The following CTNNA3 variants were observed in gnomAD, a reference collection of about 807,000 sequenced individuals.
CTNNA3 encodes catenin alpha-3.
Under a neutral mutation model 95.7 loss-of-function variants are expected in CTNNA3, and 76 were observed. The ratio of observed to expected loss-of-function variants is 0.79; its 90% CI spans 0.66 to 0.96. CTNNA3 has a LOEUF of 0.96. CTNNA3 is among the 40% of genes least tolerant of loss of function. The probability of loss-of-function intolerance (pLI) is 0.00; values close to 1 mark genes in which losing one functional copy is unlikely to be tolerated. For synonymous variants in CTNNA3, 431 were observed against 374.4 expected, an observed-to-expected ratio of 1.15 and a Z score of -1.74; for missense variants, 1,191 against 1,089.8, an observed-to-expected ratio of 1.09 and a Z score of -1.31.
rs891357500 is a variant in CTNNA3, at chr10:66,715,623, G to A, written c.1281+50641C>T. Among the ~76,000 whole-genome samples the A allele has an allele frequency of 9.2e-5, 14 of 152,154 alleles. No homozygotes were observed. The South Asian group carries it at 2.5e-3, about 27-fold the overall frequency. On this transcript the variant is annotated intron_variant, in intron 9 of 17. Coordinates refer to ENST00000433211, the MANE Select transcript of CTNNA3 (RefSeq NM_013266.4). ...AATAGTTTTTAGATAACTAAAAGCT[G>A]GCAAAATATCAAAGATATTCAGTGC...
intron 5 of CTNNA3, among the ~76,000 whole-genome samples, chr10:67,312,516 C>T (rs114031244): frequency 6.6e-6 from 1 of 152,024 alleles, no homozygotes; most frequent in East Asian, 1.9e-4. Flanking sequence ...GGAAAATAAG[C>T]CAACAAAAAC....
chr10:67,360,416 GAA>G (rs74859730), intron 5 of CTNNA3, among the ~76,000 whole-genome samples: 5 of 99,290 alleles, frequency 5.0e-5, no homozygotes, highest in Non-Finnish European at 6.3e-5. Flanking sequence ...GAGCAAGCAG[GAA>G]AAAAAAAAAA....
At chr10:66,699,556 T>C (rs1847874548) in intron 9 of CTNNA3, among the ~76,000 whole-genome samples, 1 of 152,194 alleles carries the variant, frequency 6.6e-6, no homozygotes, top group Non-Finnish European at 1.5e-5. Flanking sequence ...ATTCAAGTAC[T>C]TTGGTCATTT....
At chr10:67,199,556 A>C (rs946447517) in intron 6 of CTNNA3, among the ~76,000 whole-genome samples, 1 of 152,032 alleles carries the variant, frequency 6.6e-6, no homozygotes, top group Non-Finnish European at 1.5e-5. Context: ...TTTTTAGTAG[A>C]GACAGGGTTT....
intron 11 of CTNNA3, among the ~76,000 whole-genome samples, chr10:66,505,864 A>T (rs1008066593): frequency 1.3e-5 from 2 of 152,218 alleles, no homozygotes; most frequent in Non-Finnish European, 2.9e-5. Flanking sequence ...GTTACTATTT[A>T]AAATTTCAGA....
chr10:66,073,187 T>G (rs963044235), intron 14 of CTNNA3, among the ~76,000 whole-genome samples: 1 of 152,086 alleles, frequency 6.6e-6, no homozygotes, highest in Non-Finnish European at 1.5e-5. Context: ...ACAGGAGGAA[T>G]AAGTTCAAGA....
chr10:66,341,576 G>C (rs2092453280), intron 12 of CTNNA3, among the ~76,000 whole-genome samples: 1 of 151,822 alleles, frequency 6.6e-6, no homozygotes, highest in Non-Finnish European at 1.5e-5. Context: ...CAGAAATAAT[G>C]GACATAGTAA....
chr10:66,496,211 C>T (rs937569292), intron 11 of CTNNA3, among the ~76,000 whole-genome samples: 9 of 152,000 alleles, frequency 5.9e-5, no homozygotes, highest in Admixed American at 1.3e-4. Flanking sequence ...ATCACCATAT[C>T]GAACATGAAA....
intron 14 of CTNNA3, among the ~76,000 whole-genome samples, chr10:66,074,345 A>T (rs899831409): frequency 6.6e-6 from 1 of 151,920 alleles, no homozygotes; most frequent in South Asian, 2.1e-4. Context: ...TTAGGTGCAC[A>T]TATGGGTGTA....
chr10:67,052,419 C>T (rs1417402998), intron 7 of CTNNA3, among the ~76,000 whole-genome samples: 1 of 151,792 alleles, frequency 6.6e-6, no homozygotes, highest in African/African-American at 2.4e-5. Flanking sequence ...GCTGTCCCTT[C>T]TTAGGCCTAG....
chr10:66,689,489 TC>T (rs1564620281), intron 9 of CTNNA3, among the ~76,000 whole-genome samples: 1 of 152,162 alleles, frequency 6.6e-6, no homozygotes, highest in South Asian at 2.1e-4. Context: ...TTTGGAACAA[TC>T]CCAATTATTT....
At chr10:66,624,829 T>A (rs1228360020) in intron 9 of CTNNA3, among the ~76,000 whole-genome samples, 1 of 152,118 alleles carries the variant, frequency 6.6e-6, no homozygotes, top group East Asian at 1.9e-4. Context: ...GACTATTAAC[T>A]AGCAATATGT....
chr10:67,538,403 C>G (rs745914904), intron 4 of CTNNA3, among the ~76,000 whole-genome samples: 1 of 151,342 alleles, frequency 6.6e-6, no homozygotes, highest in Non-Finnish European at 1.5e-5. Context: ...GTGAAACCCC[C>G]GTCTCTACTA....
intron 13 of CTNNA3, among the ~76,000 whole-genome samples, chr10:66,157,499 A>G (rs757148845): frequency 0.013 from 294 of 22,710 alleles, no homozygotes; most frequent in African/African-American, 0.034. Context: ...ATGTAGATAG[A>G]TAGATAGATA....
chr10:67,284,977 T>C (rs1000752760), intron 5 of CTNNA3, among the ~76,000 whole-genome samples: 3 of 152,198 alleles, frequency 2.0e-5, no homozygotes, highest in Non-Finnish European at 4.4e-5. Flanking sequence ...GGTAATTGTT[T>C]AAAAGCGTTT....
chr10:67,425,882 T>C (rs976994799), intron 5 of CTNNA3, among the ~76,000 whole-genome samples: 3 of 152,094 alleles, frequency 2.0e-5, no homozygotes, highest in African/African-American at 7.2e-5. Context: ...ACAACATTCT[T>C]ACCTCATATA....
intron 13 of CTNNA3, among the ~76,000 whole-genome samples, chr10:66,106,221 G>GA (rs150337948): frequency 8.9e-4 from 130 of 145,920 alleles, no homozygotes; most frequent in African/African-American, 3.0e-3. Context: ...AAAAAAAAAA[G>GA]AAAAAAAAAT....
intron 5 of CTNNA3, among the ~76,000 whole-genome samples, chr10:67,407,465 A>C (rs1374614595): frequency 6.6e-6 from 1 of 152,126 alleles, no homozygotes; most frequent in African/African-American, 2.4e-5. Flanking sequence ...CAATATACTG[A>C]ATGGGCAAAA....
intron 2 of CTNNA3, among the ~76,000 whole-genome samples, chr10:67,626,789 G>GTATT (rs60234118): frequency 0.13 from 20,125 of 151,994 alleles, 2,367 homozygotes; most frequent in African/African-American, 0.32. Context: ...CTACATGTAT[G>GTATT]TGTCTATACA....
Sources: allele counts gnomAD v4.1 joint callset (sites outside exome capture counted in the v4.1 genomes callset), GRCh38; gene constraint gnomAD v4.1.1; transcripts MANE v1.5; gene names NCBI Gene and HGNC (gene_info 2026-07-23, HGNC 2026-07-21).